Variants in ASIC2 observed in about 807,000 individuals in gnomAD.
ASIC2 encodes the protein acid-sensing ion channel 2.
A neutral mutation model predicts 57.3 loss-of-function variants in ASIC2; 25 were observed. The observed-to-expected ratio is 0.44, with a 90% confidence interval of 0.32 to 0.61. The LOEUF (loss-of-function observed/expected upper bound fraction) is 0.61, where lower values mean the gene tolerates loss of function less well. Among genes scored for constraint, ASIC2 ranks in the 20% least tolerant of loss-of-function variants. The probability of loss-of-function intolerance (pLI) is 0.06; values close to 1 mark genes in which losing one functional copy is unlikely to be tolerated. For missense variants in ASIC2, 641 were observed against 738.1 expected (o/e 0.87, Z 1.52); for synonymous variants, 319 against 307.5 (o/e 1.04, Z -0.39).
chr17:33,145,870 A>G (rs1904539206), intron 1 of ASIC2, among the ~76,000 whole-genome samples: 1 of 152,200 alleles, frequency 6.6e-6, no homozygotes, highest in Non-Finnish European at 1.5e-5. Context: ...GCAAGGGCAC[A>G]GGGCACAGGA....
At chr17:33,930,272 G>C (rs995586355) in intron 1 of ASIC2, among the ~76,000 whole-genome samples, 1 of 152,174 alleles carries the variant, frequency 6.6e-6, no homozygotes, top group Admixed American at 6.5e-5. Context: ...GTCTGACCTG[G>C]CTCCTTTTGT....
chr17:33,180,223 C>G (rs888982560), intron 1 of ASIC2, among the ~76,000 whole-genome samples: 1 of 152,206 alleles, frequency 6.6e-6, no homozygotes, highest in Non-Finnish European at 1.5e-5. Context: ...AGAAATGTAC[C>G]TGTTCAAACT....
intron 1 of ASIC2, among the ~76,000 whole-genome samples, chr17:33,843,304 G>A (rs1913492585): frequency 6.6e-6 from 1 of 152,154 alleles, no homozygotes; most frequent in Non-Finnish European, 1.5e-5. Context: ...GGCTAAGGAA[G>A]GGACTCCATC....
chr17:33,451,681 G>C (rs562510125), intron 1 of ASIC2, among the ~76,000 whole-genome samples: 55 of 152,158 alleles, frequency 3.6e-4, no homozygotes, highest in Non-Finnish European at 1.2e-4. Context: ...AGAATAACTA[G>C]TTATAAGTTT....
At chr17:33,152,537 A>C (rs894815158) in intron 1 of ASIC2, among the ~76,000 whole-genome samples, 3 of 152,198 alleles carry the variant, frequency 2.0e-5, no homozygotes, top group African/African-American at 7.2e-5. Flanking sequence ...AGGAGTGAGC[A>C]AGGGAGACTG....
chr17:34,022,907 G>C (rs1907232560), intron 1 of ASIC2, among the ~76,000 whole-genome samples: 1 of 152,074 alleles, frequency 6.6e-6, no homozygotes, highest in Non-Finnish European at 1.5e-5. Context: ...GGATCATGGG[G>C]GCTCTTCTTA....
intron 1 of ASIC2, among the ~76,000 whole-genome samples, chr17:33,717,598 G>C (rs1909262151): frequency 6.6e-6 from 1 of 152,178 alleles, no homozygotes; most frequent in South Asian, 2.1e-4. Flanking sequence ...TCCTGGGGCT[G>C]CCATGACGCC....
intron 1 of ASIC2, among the ~76,000 whole-genome samples, chr17:33,352,026 T>C (rs150505993): frequency 6.6e-6 from 1 of 152,280 alleles, no homozygotes; most frequent in African/African-American, 2.4e-5. Context: ...CTCAGCCTCC[T>C]AGATGGTCCT....
At chr17:33,519,025 T>C (rs974553041) in intron 1 of ASIC2, among the ~76,000 whole-genome samples, 1 of 96,326 alleles carries the variant, frequency 1.0e-5, no homozygotes, top group Non-Finnish European at 2.2e-5. Flanking sequence ...TTTCACCATG[T>C]TGGCCAGGAT....
intron 1 of ASIC2, among the ~76,000 whole-genome samples, chr17:33,804,105 G>A (rs1912207067): frequency 6.6e-6 from 1 of 152,186 alleles, no homozygotes; most frequent in Non-Finnish European, 1.5e-5. Context: ...TGTGTCAGAA[G>A]TCACCTGTTA....
Position 33,651,834 on chromosome 17 carries a change from G to T in ASIC2, c.555+504144C>A, listed in dbSNP as rs147962097. 2.3e-3 allele frequency among the ~76,000 whole-genome samples: 353 copies of T among 152,308 alleles called. 1 individual carries two copies. Among genetic ancestry groups the T allele is most frequent in the African/African-American group, 8.1e-3 (336 of 41,570 alleles). On this transcript the variant is annotated intron_variant, in intron 1 of 9. Coordinates refer to the ASIC2 transcript ENST00000359872. ...TCCTTCAAGCCAATCAGACATCAGAGAAATAAAAAGGATGTGACAAAAGAG... is the reference window on the plus strand; with the variant it reads ...TCCTTCAAGCCAATCAGACATCAGATAAATAAAAAGGATGTGACAAAAGAG...
chr17:33,997,436 G>A (rs1384008263), intron 1 of ASIC2, among the ~76,000 whole-genome samples: 1 of 150,050 alleles, frequency 6.7e-6, no homozygotes, highest in Non-Finnish European at 1.5e-5. Flanking sequence ...TTACAGGTGT[G>A]AGCCACCATG....
chr17:33,311,721 T>A (rs973522810), intron 1 of ASIC2, among the ~76,000 whole-genome samples: 5 of 151,858 alleles, frequency 3.3e-5, no homozygotes, highest in African/African-American at 4.8e-5. Flanking sequence ...AAGCTAGAGG[T>A]CTCCTTTGAA....
intron 1 of ASIC2, among the ~76,000 whole-genome samples, chr17:33,328,394 A>C (rs1470227584): frequency 6.6e-6 from 1 of 152,136 alleles, no homozygotes; most frequent in African/African-American, 2.4e-5. Context: ...AGCCGGATCA[A>C]AGCTACCCAG....
At chr17:33,249,321 G>A (rs1404555508) in intron 1 of ASIC2, among the ~76,000 whole-genome samples, 2 of 152,198 alleles carry the variant, frequency 1.3e-5, no homozygotes, top group Non-Finnish European at 2.9e-5. Context: ...TGTTGAGTAG[G>A]TAGCTGGGGA....
rs1490794963 is a variant in ASIC2, at chr17:34,156,524, G to T, written c.9C>A (p.Leu3=). 6.3e-7 allele frequency: 1 copy of T among 1,591,178 alleles called. No homozygotes were observed. Among genetic ancestry groups the T allele is most frequent in the African/African-American group, 1.3e-5 (1 of 74,696 alleles). The change falls in exon 1 of 10, where the codon CTC becomes CTA. Residue 3 remains leucine (L), a synonymous_variant. Coordinates refer to the ASIC2 transcript ENST00000359872. This position sits in a 1 kb window ranked among gnomAD's most constrained non-coding sequence, Gnocchi z 4.4. ...GGCTGCCCTCACTGGGGCTTTCCTT[G>T]AGGTCCATCGGGACCCCGTGCAGTT...
chr17:33,234,062 C>T (rs1237731860), intron 1 of ASIC2, among the ~76,000 whole-genome samples: 1 of 152,194 alleles, frequency 6.6e-6, no homozygotes, highest in East Asian at 1.9e-4. Flanking sequence ...ACCCACATGG[C>T]CACCCTGTCT....
chr17:33,519,908 A>G (rs1298224477), intron 1 of ASIC2, among the ~76,000 whole-genome samples: 3 of 152,244 alleles, frequency 2.0e-5, no homozygotes, highest in African/African-American at 7.2e-5. Flanking sequence ...ACAGTTAATC[A>G]GCACATCTGT....
intron 1 of ASIC2, among the ~76,000 whole-genome samples, chr17:33,635,275 A>C (rs946625555): frequency 6.6e-6 from 1 of 152,270 alleles, no homozygotes; most frequent in Non-Finnish European, 1.5e-5. Flanking sequence ...AGCACTTGCT[A>C]CGTCTCAGAT....
Sources: gnomAD v4.1 joint callset for allele counts (sites outside exome capture counted in the v4.1 genomes callset) on GRCh38, gnomAD v4.1.1 for gene constraint, Gnocchi (gnomAD v3.1) non-coding constraint, MANE v1.5 for transcripts, NCBI Gene and HGNC (gene_info 2026-07-23, HGNC 2026-07-21) for gene names.